The following DARS2 variants were observed in gnomAD, a reference collection of about 807,000 sequenced individuals.
DARS2 encodes the protein aspartate--tRNA ligase, mitochondrial.
A neutral mutation model predicts 83.0 loss-of-function variants in DARS2; 63 were observed. That is an observed-to-expected ratio of 0.76 (90% CI 0.62 to 0.94). DARS2 has a LOEUF of 0.94. Ranked by LOEUF, DARS2 falls within the 40% of genes least tolerant of loss-of-function variation. The pLI, the probability that DARS2 is intolerant of heterozygous loss-of-function variation, is 0.00. For missense variants in DARS2, 675 were observed against 774.4 expected (o/e 0.87, Z 1.52); for synonymous variants, 250 against 269.3 (o/e 0.93, Z 0.70).
At chr1:173,838,480 C>T (rs1418904620) in intron 9 of DARS2, among the ~76,000 whole-genome samples, 1 of 151,780 alleles carries the variant, frequency 6.6e-6, no homozygotes, top group African/African-American at 2.4e-5. Flanking sequence ...AGCACAGGGG[C>T]CACACTGTCA....
intron 10 of DARS2, among the ~76,000 whole-genome samples, chr1:173,840,056 A>G (rs1653148844): frequency 6.6e-6 from 1 of 152,164 alleles, no homozygotes; most frequent in South Asian, 2.1e-4. Flanking sequence ...AATGCTAGTG[A>G]CATTTCTATA....
chr1:173,842,379 A>G (rs1458850335), intron 11 of DARS2, among the ~76,000 whole-genome samples: 1 of 129,304 alleles, frequency 7.7e-6, no homozygotes, highest in East Asian at 2.3e-4. Flanking sequence ...GCTTACTGCA[A>G]CCTCCGCCTC....
chr1:173,829,090 G>A (rs1001963597), intron 3 of DARS2, among the ~76,000 whole-genome samples: 24 of 152,246 alleles, frequency 1.6e-4, no homozygotes, highest in Admixed American at 1.1e-3. Flanking sequence ...AAGGAATACT[G>A]TTAAGTGAAG....
intron 5 of DARS2, 55 bp downstream of exon 5, chr1:173,831,685 T>C (rs1026155135): frequency 2.3e-6 from 3 of 1,317,230 alleles, no homozygotes; most frequent in South Asian, 2.4e-5. Flanking sequence ...TGATGACTAG[T>C]CAAGTATTTT....
Position 173,853,823 on chromosome 1 carries a change from T to C in DARS2, c.1592T>C (p.Leu531Ser). Residue 531 changes from leucine to serine, a missense_variant, in exon 15 of 17, where the codon TTA becomes TCA. Coordinates refer to ENST00000649689, the MANE Select transcript of DARS2 (RefSeq NM_018122.5). ...CGTAGCCAACACTATGACTTGGTTTTAAATGGCAATGAAATAGGAGGTGGT... is the reference window on the plus strand; with the variant it reads ...CGTAGCCAACACTATGACTTGGTTTCAAATGGCAATGAAATAGGAGGTGGT... ...KARSQHYDLV[L>S]NGNEIGGGSI... is the part of the protein sequence containing the mutation. 1 of 1,614,158 alleles carries C rather than the reference T, an allele frequency of 6.2e-7. No individual in the cohort carries two copies. Among genetic ancestry groups the C allele is most frequent in the Non-Finnish European group, 8.5e-7 (1 of 1,180,016 alleles).
Position 173,853,844 on chromosome 1 carries a change from G to A in DARS2, c.1613G>A (p.Gly538Asp). ...DLVLNGNEIGGGSIRIHNAEL... is the reference protein window; with the variant it reads ...DLVLNGNEIGDGSIRIHNAEL... The stretch of plus-strand genomic sequence containing the variant: ...GTTTTAAATGGCAATGAAATAGGAG[G>A]TGGTTCAATTCGAATTCACAATGCA... Residue 538 changes from glycine to aspartate, a missense_variant, in exon 15 of 17, where the codon GGT becomes GAT. Transcript: ENST00000649689. 6.2e-7 allele frequency: 1 copy of A among 1,614,078 alleles called. No individual in the cohort carries two copies. The highest frequency in any genetic ancestry group is 8.5e-7 in the Non-Finnish European group (1 of 1,180,050).
chr1:173,826,912 T>TA (rs1652605374), intron 2 of DARS2, 126 bp downstream of exon 2: 1 of 754,120 alleles, frequency 1.3e-6, no homozygotes, highest in Non-Finnish European at 2.3e-6. Flanking sequence ...ATTAAGAACT[T>TA]ACTGAATTTT....
chr1:173,845,197 T>A, intron 11 of DARS2, 32 bp from the exon 12 acceptor site: 1 of 1,347,552 alleles, frequency 7.4e-7, no homozygotes, highest in South Asian at 1.2e-5. Context: ...AGTGTCATAC[T>A]GACAAGTTTA....
At position 173,850,428 on chromosome 1, in the gene DARS2, G is replaced by A. The variant is rs759580245; in HGVS notation, c.1293G>A (p.Glu431=). Residue 431 remains glutamate, a synonymous_variant, in exon 13 of 17, where the codon GAG becomes GAA. Transcript: ENST00000649689. ...SQRLELIRLM[E]TQEEDVVLLT... is the part of the protein sequence containing the mutation. Reference sequence around the variant, plus strand: ...GACTGGAATTAATCAGACTAATGGAGACCCAAGAGGAAGATGTGGTCCTAC... The same window carrying A: ...GACTGGAATTAATCAGACTAATGGAAACCCAAGAGGAAGATGTGGTCCTAC... 14 of 1,613,918 alleles carry A rather than the reference G, an allele frequency of 8.7e-6. No individual in the cohort carries two copies. Among genetic ancestry groups the A allele is most frequent in the Middle Eastern group, 1.7e-4 (1 of 6,060 alleles).
rs1166986029 is a variant in DARS2, at chr1:173,857,904, A to AT, written c.*207dup. ...TGACTTGATTTCATGCATCATTTGG[A>AT]TTTTTTTTGGTTAGGACTTTTTTTG... is the stretch of plus-strand genomic sequence containing the variant. On this transcript the variant is annotated 3_prime_UTR_variant, in exon 17 of 17. Transcript: ENST00000649689. 25 of 628,514 alleles carry AT rather than the reference A, an allele frequency of 4.0e-5. No individual in the cohort carries two copies. Among genetic ancestry groups the AT allele is most frequent in the Admixed American group, 1.7e-4 (6 of 34,602 alleles). 38.9% of individuals were successfully genotyped at this position (628,514 alleles called of 1,614,324 possible).
intron 11 of DARS2, among the ~76,000 whole-genome samples, chr1:173,842,938 T>TA (rs532765288): frequency 0.25 from 29,778 of 120,058 alleles, 3,613 homozygotes; most frequent in Middle Eastern, 0.42. Context: ...CACTCCATCT[T>TA]AAAAAAAAAA....
At chr1:173,840,414 T>C (rs1184695215) in intron 10 of DARS2, among the ~76,000 whole-genome samples, 2 of 152,182 alleles carry the variant, frequency 1.3e-5, no homozygotes, top group African/African-American at 4.8e-5. Context: ...ATTTTTGTAT[T>C]TTTAGTAGAG....
intron 12 of DARS2, among the ~76,000 whole-genome samples, chr1:173,846,619 C>A (rs1653446517): frequency 6.6e-6 from 1 of 151,770 alleles, no homozygotes; most frequent in Non-Finnish European, 1.5e-5. Flanking sequence ...ATAGTGAGAC[C>A]TCGTCTCTAC....
In DARS2 at chr1:173,834,326, A is replaced by G. The variant is rs568843470; in HGVS notation, c.617-147A>G. The stretch of plus-strand genomic sequence containing the variant: ...TCAGCTTCCTTCTTAGATTTGTAGA[A>G]ACCAGCACCAGTAGGCTTGGTAGCT... On this transcript the variant is annotated intron_variant, in intron 6 of 16. Transcript: ENST00000649689. 4.5e-5 allele frequency: 29 copies of G among 648,812 alleles called. No individual in the cohort carries two copies. The East Asian group carries it at 7.8e-4, about 17-fold the overall frequency. The allele number at this position is 648,812 out of a possible 1,614,324, so 40.2% of individuals were successfully genotyped here. A position where few individuals can be genotyped will look rare whatever the true frequency, so the allele number is the denominator to read the frequency against.
Position 173,847,353 on chromosome 1 carries a change from A to G in DARS2, c.1191+2062A>G, listed in dbSNP as rs186679263. Among the ~76,000 whole-genome samples, 602 of 152,262 alleles carry G rather than the reference A, an allele frequency of 4.0e-3. 4 individuals carry two copies. The highest frequency in any genetic ancestry group is 0.014 in the African/African-American group (569 of 41,554). On this transcript the variant is annotated intron_variant, in intron 12 of 16. Transcript: ENST00000649689. ...TTATTAGTATATAAAATCTGCATCT[A>G]AGAACCATAGGACCAGGAAATAAGC...
At chr1:173,853,288 G>T (rs1261763716) in intron 13 of DARS2, 61 bp from the exon 14 acceptor site, 16 of 1,535,910 alleles carry the variant, frequency 1.0e-5, no homozygotes, top group African/African-American at 2.7e-5. Flanking sequence ...AATCCAGGCT[G>T]TGTCATTTCC....
intron 12 of DARS2, among the ~76,000 whole-genome samples, chr1:173,846,028 C>G (rs1023647569): frequency 6.6e-6 from 1 of 151,922 alleles, no homozygotes; most frequent in South Asian, 2.1e-4. Flanking sequence ...CGTGGTGGCG[C>G]GGGCCTGTAG....
chr1:173,857,832 C>A lies in DARS2; in HGVS notation c.*127C>A. On this transcript the variant is annotated 3_prime_UTR_variant, in exon 17 of 17. Transcript: ENST00000649689. ...AGTCTTTAGATGGAAGGAATCCAGG[C>A]AACATTCTTCACCACAACGAAGAAA... 1.0e-6 allele frequency: 1 copy of A among 952,788 alleles called. No individual in the cohort carries two copies. The highest frequency in any genetic ancestry group is 1.6e-6 in the Non-Finnish European group (1 of 610,568). The allele number at this position is 952,788 out of a possible 1,614,324, so 59.0% of individuals were successfully genotyped here. A position where few individuals can be genotyped will look rare whatever the true frequency, so the allele number is the denominator to read the frequency against.
chr1:173,853,623 T>C, intron 14 of DARS2, 56 bp downstream of exon 14: 4 of 1,597,124 alleles, frequency 2.5e-6, no homozygotes, highest in Non-Finnish European at 3.4e-6. Flanking sequence ...GGCAAAGAAC[T>C]TCAGACTTCA....
Sources: gnomAD v4.1 joint callset for allele counts (sites outside exome capture counted in the v4.1 genomes callset) on GRCh38, gnomAD v4.1.1 for gene constraint, MANE v1.5 for transcripts, NCBI Gene and HGNC (gene_info 2026-07-23, HGNC 2026-07-21) for gene names.